CSMD3: variants seen among roughly 807,000 people sequenced by gnomAD.
CSMD3 encodes CUB and Sushi multiple domains 3, also known as CUB and sushi domain-containing protein 3.
Under a neutral mutation model 435.2 loss-of-function variants are expected in CSMD3, and 177 were observed. The ratio of observed to expected loss-of-function variants is 0.41; its 90% CI spans 0.36 to 0.46. The LOEUF is 0.46. Ranked by LOEUF, CSMD3 falls within the 20% of genes least tolerant of loss-of-function variation. The pLI is 0.34. For missense variants in CSMD3, 4,265 were observed against 4,504.6 expected, an observed-to-expected ratio of 0.95 and a Z score of 1.52; for synonymous variants, 1,656 against 1,520.5, an observed-to-expected ratio of 1.09 and a Z score of -2.07.
chr8:113,066,427 T>TGATTA (rs775418364), intron 5 of CSMD3, among the ~76,000 whole-genome samples: 16 of 152,110 alleles, frequency 1.1e-4, no homozygotes, highest in Non-Finnish European at 2.4e-4. Flanking sequence ...ATGATGAGAA[T>TGATTA]GATTAGATCG....
intron 30 of CSMD3, among the ~76,000 whole-genome samples, chr8:112,500,500 T>C (rs931823469): frequency 2.0e-5 from 3 of 152,052 alleles, no homozygotes; most frequent in African/African-American, 4.8e-5. Context: ...TTAAGAATGC[T>C]CCTAAATTTA....
At chr8:112,691,504 G>T (rs922501178) in intron 13 of CSMD3, among the ~76,000 whole-genome samples, 1 of 151,850 alleles carries the variant, frequency 6.6e-6, no homozygotes, top group Non-Finnish European at 1.5e-5. Flanking sequence ...TCATGTTGTT[G>T]TTTGTTTTTT....
At chr8:112,496,401 T>C (rs1821347560) in intron 30 of CSMD3, among the ~76,000 whole-genome samples, 2 of 151,866 alleles carry the variant, frequency 1.3e-5, no homozygotes, top group Admixed American at 1.3e-4. Context: ...AGTGTAGAGG[T>C]TCCTCAAAAA....
chr8:112,645,310 G>A, intron 19 of CSMD3, 85 bp from the exon 20 acceptor site: 1 of 811,152 alleles, frequency 1.2e-6, no homozygotes, highest in Non-Finnish European at 2.2e-6. Flanking sequence ...CTTGAATTGA[G>A]CAGTCGCATT....
intron 3 of CSMD3, among the ~76,000 whole-genome samples, chr8:113,211,194 T>G (rs2092830569): frequency 6.6e-6 from 1 of 152,158 alleles, no homozygotes; most frequent in Non-Finnish European, 1.5e-5. Flanking sequence ...TATTGAGAAA[T>G]TTATTTAAAT....
intron 3 of CSMD3, among the ~76,000 whole-genome samples, chr8:113,197,482 G>A (rs2092671301): frequency 1.3e-5 from 2 of 151,084 alleles, no homozygotes; most frequent in African/African-American, 4.8e-5. Context: ...GAAGAGTTAA[G>A]CCATGTTAAA....
chr8:112,269,939 C>A (rs1200503196), intron 59 of CSMD3, among the ~76,000 whole-genome samples: 1 of 152,142 alleles, frequency 6.6e-6, no homozygotes, highest in Non-Finnish European at 1.5e-5. Context: ...TTTACCCACC[C>A]AGGAGGCAAC....
chr8:113,067,599 T>TA (rs921493979), intron 5 of CSMD3, among the ~76,000 whole-genome samples: 4 of 152,226 alleles, frequency 2.6e-5, no homozygotes, highest in Non-Finnish European at 5.9e-5. Context: ...AAGTATGCCT[T>TA]AATTGAATGC....
At chr8:112,288,124 C>G (rs933737715) in intron 57 of CSMD3, among the ~76,000 whole-genome samples, 37 of 151,926 alleles carry the variant, frequency 2.4e-4, no homozygotes, top group African/African-American at 8.2e-4. Flanking sequence ...ATTTGGAATA[C>G]TTCATTATAT....
intron 9 of CSMD3, among the ~76,000 whole-genome samples, chr8:112,945,005 C>CT (rs776252967): frequency 6.6e-6 from 1 of 151,642 alleles, no homozygotes; most frequent in Non-Finnish European, 1.5e-5. Flanking sequence ...CAACTAATCA[C>CT]TTAACATATC....
intron 3 of CSMD3, among the ~76,000 whole-genome samples, chr8:113,192,134 T>C (rs1466790753): frequency 2.0e-5 from 3 of 151,692 alleles, no homozygotes; most frequent in East Asian, 3.9e-4. Flanking sequence ...GAGATTTGGA[T>C]ATTCAATTTT....
At position 112,346,143 on chromosome 8, in the gene CSMD3, G is replaced by A; in HGVS notation, c.6396C>T (p.Pro2132=). ...ILSPGFPGNY[P]SSLDCTWTIN... is the part of the protein sequence containing the mutation. ...TTGTCCATGTGCAATCTAAACTGCT[G>A]GGATAGTTTCCAGGAAACCCAGGAC... Residue 2132 remains proline (P), a synonymous_variant, in exon 41 of 71, where the codon CCC becomes CCT. Coordinates refer to ENST00000297405, the MANE Select transcript of CSMD3 (RefSeq NM_198123.2). 6.2e-7 allele frequency: 1 copy of A among 1,613,156 alleles called. No individual in the cohort carries two copies. The highest frequency in any genetic ancestry group is 8.5e-7 in the Non-Finnish European group (1 of 1,179,204).
chr8:113,176,442 G>A (rs1471530476), intron 3 of CSMD3, among the ~76,000 whole-genome samples: 1 of 152,140 alleles, frequency 6.6e-6, no homozygotes, highest in East Asian at 1.9e-4. Flanking sequence ...CAAGTATGAT[G>A]TGTCACTAAC....
intron 64 of CSMD3, among the ~76,000 whole-genome samples, chr8:112,246,655 G>A (rs569392934): frequency 5.3e-5 from 8 of 152,176 alleles, no homozygotes; most frequent in African/African-American, 1.9e-4. Context: ...TTTCACAAGC[G>A]ATTTTTAAAA....
intron 23 of CSMD3, among the ~76,000 whole-genome samples, chr8:112,582,223 C>T (rs1017060624): frequency 1.2e-4 from 18 of 151,940 alleles, no homozygotes; most frequent in African/African-American, 4.3e-4. Flanking sequence ...CTCTTGCTCC[C>T]TTTCTCACCA....
intron 28 of CSMD3, among the ~76,000 whole-genome samples, chr8:112,515,010 A>G (rs1823522816): frequency 6.6e-6 from 1 of 152,004 alleles, no homozygotes; most frequent in African/African-American, 2.4e-5. Context: ...GAAAAACCTC[A>G]CACAACCTGC....
At chr8:113,434,240 G>T (rs2094691858) in intron 1 of CSMD3, among the ~76,000 whole-genome samples, 1 of 152,096 alleles carries the variant, frequency 6.6e-6, no homozygotes, top group Non-Finnish European at 1.5e-5. Flanking sequence ...GGACTTCCTG[G>T]ACCCTCACGC....
At chr8:112,305,117 A>G (rs1415350896) in intron 51 of CSMD3, among the ~76,000 whole-genome samples, 2 of 152,104 alleles carry the variant, frequency 1.3e-5, no homozygotes, top group African/African-American at 4.8e-5. Context: ...AACACACTCA[A>G]TGGTTTCACA....
intron 3 of CSMD3, among the ~76,000 whole-genome samples, chr8:113,219,112 AAT>A (rs2092938765): frequency 6.6e-6 from 1 of 151,458 alleles, no homozygotes; most frequent in Non-Finnish European, 1.5e-5. Flanking sequence ...ATCTAAAATC[AAT>A]ATCTTATTTA....
Sources: gnomAD v4.1 joint callset for allele counts (sites outside exome capture counted in the v4.1 genomes callset) on GRCh38, gnomAD v4.1.1 for gene constraint, MANE v1.5 for transcripts, NCBI Gene and HGNC (gene_info 2026-07-23, HGNC 2026-07-21) for gene names.